DGCR8: variants seen among roughly 807,000 people sequenced by gnomAD.
DGCR8 encodes the protein microprocessor complex subunit DGCR8.
DGCR8 carries 14 observed loss-of-function variants against 78.5 expected under a neutral mutation model. The observed-to-expected ratio is 0.18, with a 90% CI of 0.12 to 0.28. The LOEUF (loss-of-function observed/expected upper bound fraction) is 0.28. Ranked by LOEUF, DGCR8 falls within the 10% of genes least tolerant of loss-of-function variation. The probability of loss-of-function intolerance (pLI) is 1.00; values close to 1 mark genes in which losing one functional copy is unlikely to be tolerated. For missense variants in DGCR8, 702 were observed against 1,022.5 expected, an observed-to-expected ratio of 0.69 and a Z score of 4.28; for synonymous variants, 399 against 402.4, an observed-to-expected ratio of 0.99 and a Z score of 0.10.
intron 9 of DGCR8, among the ~76,000 whole-genome samples, chr22:20,099,885 T>G (rs1041275543): frequency 1.3e-5 from 2 of 152,232 alleles, no homozygotes; most frequent in African/African-American, 4.8e-5. Context: ...TCCTCCTGCC[T>G]CAGCCTCCCA....
intron 9 of DGCR8, among the ~76,000 whole-genome samples, chr22:20,105,167 T>A (rs1358256095): frequency 3.3e-5 from 5 of 152,188 alleles, no homozygotes; most frequent in African/African-American, 1.2e-4. Flanking sequence ...ATCCAGTGTG[T>A]CTGGTGTTTC....
chr22:20,082,658 C>T (rs770333714), intron 1 of DGCR8, among the ~76,000 whole-genome samples: 5 of 152,188 alleles, frequency 3.3e-5, no homozygotes, highest in South Asian at 2.1e-4. Flanking sequence ...TGCACCACCG[C>T]GCCCGGCCCA....
chr22:20,106,654 G>C lies in DGCR8; in HGVS notation c.1952G>C (p.Ser651Thr). 1 of 1,614,062 alleles carries C rather than the reference G, an allele frequency of 6.2e-7. No individual in the cohort carries two copies. Among genetic ancestry groups the C allele is most frequent in the Non-Finnish European group, 8.5e-7 (1 of 1,179,880 alleles). The change falls in exon 11 of 14, where the codon AGT becomes ACT. Residue 651 changes from serine to threonine, a missense_variant. Transcript: ENST00000351989. ...GTGGTTCCTGGGAAAAACCAGAAGA[G>C]TGAATACGTCATGGCGTGTGGCAAG... is the stretch of plus-strand genomic sequence containing the variant. ...FEVVPGKNQK[S>T]EYVMACGKHT...
In DGCR8 at chr22:20,085,856, C is replaced by T. The variant is rs748614072; in HGVS notation, c.-108C>T. ...TTGACTAAGCCGCCAGCGCACAGCG[C>T]GGCAGGACGCGCCCGGGTCTCAGCG... is the stretch of plus-strand genomic sequence containing the variant. On this transcript the variant is annotated 5_prime_UTR_variant, in exon 2 of 14. Coordinates refer to ENST00000351989, the MANE Select transcript of DGCR8 (RefSeq NM_022720.7). This position sits in a 1 kb window ranked among gnomAD's most constrained non-coding sequence, Gnocchi z 6.2. 8 of 1,498,132 alleles carry T rather than the reference C, an allele frequency of 5.3e-6. No individual in the cohort carries two copies. Among genetic ancestry groups the T allele is most frequent in the South Asian group, 1.3e-5 (1 of 74,720 alleles). The allele number at this position is 1,498,132 out of a possible 1,614,324, so 92.8% of individuals were successfully genotyped here.
Position 20,110,207 on chromosome 22 carries a change from C to G in DGCR8, c.*99C>G, listed in dbSNP as rs41281423. On this transcript the variant is annotated 3_prime_UTR_variant, in exon 14 of 14. Transcript: ENST00000351989. ...ACCACAGTGTCAGGCCTCCAACCCA[C>G]GCTCCTTCCCTGTGGCCAACCTGTG... 1 of 1,274,054 alleles carries G rather than the reference C, an allele frequency of 7.8e-7. No individual in the cohort carries two copies. The highest frequency in any genetic ancestry group is 1.3e-5 in the South Asian group (1 of 79,164). The allele number at this position is 1,274,054 out of a possible 1,614,324, so 78.9% of individuals were successfully genotyped here.
intron 9 of DGCR8, chr22:20,101,864 A>C (rs1193603074): frequency 2.0e-6 from 2 of 984,580 alleles, no homozygotes; most frequent in Non-Finnish European, 2.4e-6. Flanking sequence ...CCTTGTGTGG[A>C]CTCCGGAGGT....
At chr22:20,081,258 C>T (rs1221953475) in intron 1 of DGCR8, among the ~76,000 whole-genome samples, 3 of 152,208 alleles carry the variant, frequency 2.0e-5, no homozygotes, top group East Asian at 1.9e-4. Flanking sequence ...GCCTCCATGG[C>T]GCTGGCACTG....
chr22:20,098,211 G>C (rs184104445), intron 9 of DGCR8, among the ~76,000 whole-genome samples: 2 of 151,558 alleles, frequency 1.3e-5, no homozygotes, highest in Non-Finnish European at 2.9e-5. Flanking sequence ...GGCTGGTCTC[G>C]AACTCCTAGG....
At chr22:20,106,748 G>A in intron 11 of DGCR8, 50 bp downstream of exon 11, 5 of 1,314,558 alleles carry the variant, frequency 3.8e-6, no homozygotes, top group Non-Finnish European at 5.5e-6. Context: ...GGCGGCCCCT[G>A]GTGTGGCCCT....
intron 7 of DGCR8, 49 bp from the exon 8 acceptor site, chr22:20,092,760 T>C (rs746014881): frequency 4.0e-5 from 61 of 1,526,994 alleles, no homozygotes; most frequent in Non-Finnish European, 5.3e-5. Flanking sequence ...TGCACACGCT[T>C]TTGATGTCTT....
chr22:20,104,373 T>A (rs905262120), intron 9 of DGCR8, among the ~76,000 whole-genome samples: 3 of 152,022 alleles, frequency 2.0e-5, no homozygotes, highest in African/African-American at 7.3e-5. Flanking sequence ...TTCACCTTGT[T>A]AGCCAGGATG....
rs367798499 is a variant in DGCR8, at chr22:20,094,714, C to G, written c.1707C>G (p.Ala569=). ...CCCTCGGGCTCTTTTTTTTCATAGC[C>G]CGAGCTACACTGGAAATCCTCATCC... ...SSKKLAKNKA[A]RATLEILIPD... Residue 569 remains alanine (A), a splice_region_variant and synonymous_variant, in exon 9 of 14, where the codon GCC becomes GCG. Coordinates refer to ENST00000351989, the MANE Select transcript of DGCR8 (RefSeq NM_022720.7). The G allele has an allele frequency of 6.2e-7, 1 of 1,613,810 alleles. No individual in the cohort carries two copies. Among genetic ancestry groups the G allele is most frequent in the Admixed American group, 1.7e-5 (1 of 60,008 alleles).
intron 1 of DGCR8, 183 bp downstream of exon 1, chr22:20,080,566 T>A: frequency 3.4e-5 from 25 of 727,932 alleles, no homozygotes; most frequent in Non-Finnish European, 3.7e-5. Flanking sequence ...TGGGGACGCC[T>A]CCGGGGCTGG....
At chr22:20,090,376 A>T in intron 5 of DGCR8, 118 bp downstream of exon 5, 1 of 1,208,932 alleles carries the variant, frequency 8.3e-7, no homozygotes, top group South Asian at 1.6e-5. Context: ...GGGGCTGTGC[A>T]CCTCCACTGT....
At chr22:20,100,748 G>T in intron 9 of DGCR8, 4 of 985,400 alleles carry the variant, frequency 4.1e-6, no homozygotes, top group Non-Finnish European at 4.8e-6. Flanking sequence ...GGACATGGGG[G>T]TGGGGCATGT....
At position 20,095,965 on chromosome 22, in the gene DGCR8, C is replaced by T. The variant is rs186837250; in HGVS notation, c.1788+1170C>T. 2.5e-3 allele frequency among the ~76,000 whole-genome samples: 377 copies of T among 148,478 alleles called. 2 individuals are homozygous for T. Among genetic ancestry groups the T allele is most frequent in the African/African-American group, 8.8e-3 (366 of 41,420 alleles). On this transcript the variant is annotated intron_variant, in intron 9 of 13. Transcript: ENST00000351989. ...ACACTCCTATGAGAATCTAATGCTA[C>T]TGCTGATCTGACAGGAGACAGAGCT...
chr22:20,093,874 C>T (rs1053880098), intron 8 of DGCR8, among the ~76,000 whole-genome samples: 1 of 152,206 alleles, frequency 6.6e-6, no homozygotes, highest in African/African-American at 2.4e-5. Flanking sequence ...GTTGGGTGTA[C>T]CCCAGGCCCT....
chr22:20,087,601 G>A lies in DGCR8; in HGVS notation c.880+280G>A, dbSNP rs1044931444. Among the ~76,000 whole-genome samples, 3 of 152,176 alleles carry A rather than the reference G, an allele frequency of 2.0e-5. No homozygotes were observed. Among genetic ancestry groups the A allele is most frequent in the Admixed American group, 1.3e-4 (2 of 15,286 alleles). Reference sequence around the variant, plus strand: ...ACTTCTGAGGGGGTCAGGAGGGGATGTTGGTATATGCCAGGAGCCAGCATG... The same window carrying A: ...ACTTCTGAGGGGGTCAGGAGGGGATATTGGTATATGCCAGGAGCCAGCATG... On this transcript the variant is annotated intron_variant, in intron 3 of 13. Transcript: ENST00000351989. This position sits in a 1 kb window ranked among gnomAD's most constrained non-coding sequence, Gnocchi z 4.1.
In DGCR8 at chr22:20,107,340, A is replaced by G; in HGVS notation, c.2066A>G (p.Lys689Arg). 1 of 1,614,216 alleles carries G rather than the reference A, an allele frequency of 6.2e-7. No homozygotes were observed. The highest frequency in any genetic ancestry group is 8.5e-7 in the Non-Finnish European group (1 of 1,180,016). ...KILQLLHPHV[K>R]NWGSLLRMYG... is the part of the protein sequence containing the mutation. ...CTTCAGCTGCTGCACCCACATGTCA[A>G]GAACTGGGGGTCTTTACTGCGCATG... The change falls in exon 12 of 14, where the codon AAG becomes AGG. Residue 689 changes from lysine to arginine, a missense_variant. Coordinates refer to ENST00000351989, the MANE Select transcript of DGCR8 (RefSeq NM_022720.7).
Sources: allele counts gnomAD v4.1 joint callset (sites outside exome capture counted in the v4.1 genomes callset), GRCh38; gene constraint gnomAD v4.1.1; non-coding constraint Gnocchi (gnomAD v3.1); transcripts MANE v1.5; gene names NCBI Gene and HGNC (gene_info 2026-07-23, HGNC 2026-07-21).